The following SNX29 variants were observed in gnomAD, a reference collection of about 807,000 sequenced individuals.
SNX29 encodes sorting nexin-29.
A neutral mutation model predicts 102.1 loss-of-function variants in SNX29; 78 were observed. The observed-to-expected ratio is 0.76, with a 90% CI of 0.64 to 0.92. The LOEUF (loss-of-function observed/expected upper bound fraction) is 0.92, where lower values mean the gene tolerates loss of function less well. Ranked by LOEUF, SNX29 falls within the 40% of genes least tolerant of loss-of-function variation. The probability of loss-of-function intolerance (pLI) is 0.00; values close to 1 mark genes in which losing one functional copy is unlikely to be tolerated. For synonymous variants in SNX29, 580 were observed against 414.5 expected (o/e 1.40, Z -4.85); for missense variants, 1,280 against 1,061.7 (o/e 1.21, Z -2.86).
At chr16:12,379,622 A>G (rs1441409475) in intron 16 of SNX29, among the ~76,000 whole-genome samples, 1 of 152,230 alleles carries the variant, frequency 6.6e-6, no homozygotes, top group Non-Finnish European at 1.5e-5. Flanking sequence ...AAGGGAGGTG[A>G]TTATAAAAGG....
At chr16:12,216,297 C>T (rs960267254) in intron 14 of SNX29, among the ~76,000 whole-genome samples, 1 of 152,324 alleles carries the variant, frequency 6.6e-6, no homozygotes, top group East Asian at 1.9e-4. Flanking sequence ...GAGAAGCATT[C>T]TCTGCCTGAA....
chr16:12,057,800 C>G (rs1041199505), intron 8 of SNX29, among the ~76,000 whole-genome samples: 2 of 146,620 alleles, frequency 1.4e-5, no homozygotes, highest in African/African-American at 5.0e-5. Flanking sequence ...CATACATATA[C>G]ATATATATAT....
intron 1 of SNX29, among the ~76,000 whole-genome samples, chr16:11,981,224 C>T (rs2055406387): frequency 2.6e-5 from 4 of 152,130 alleles, no homozygotes; most frequent in Non-Finnish European, 5.9e-5. Context: ...CCTACCTCAG[C>T]CTCCCAAAGT....
intron 15 of SNX29, among the ~76,000 whole-genome samples, chr16:12,282,054 A>G (rs1387448089): frequency 6.9e-6 from 1 of 144,984 alleles, no homozygotes; most frequent in Non-Finnish European, 1.5e-5. Context: ...TCTGCACTCC[A>G]ACCTGGGCGA....
At chr16:12,432,256 C>T (rs527765695) in intron 18 of SNX29, among the ~76,000 whole-genome samples, 16 of 152,336 alleles carry the variant, frequency 1.1e-4, no homozygotes, top group African/African-American at 2.9e-4. Flanking sequence ...CGCCAATTAC[C>T]GTTAGTCATG....
intron 19 of SNX29, among the ~76,000 whole-genome samples, chr16:12,484,251 C>A (rs1382512710): frequency 2.0e-5 from 3 of 152,008 alleles, no homozygotes; most frequent in Non-Finnish European, 2.9e-5. Flanking sequence ...CCGGCTCCAG[C>A]CATCCTTCCA....
At chr16:12,461,917 C>A (rs535268618) in intron 18 of SNX29, among the ~76,000 whole-genome samples, 11 of 133,098 alleles carry the variant, frequency 8.3e-5, no homozygotes, top group South Asian at 5.0e-4. Flanking sequence ...GATTGCGCCA[C>A]TGCACTCCAA....
intron 3 of SNX29, among the ~76,000 whole-genome samples, chr16:12,014,075 G>A (rs532014077): frequency 1.3e-5 from 2 of 152,182 alleles, no homozygotes; most frequent in Non-Finnish European, 2.9e-5. Flanking sequence ...GAGACTCCAG[G>A]TGCATGCCAC....
rs574564851 is a variant in SNX29 at position 12,140,689 on chromosome 16, C to A, written c.1595+10931C>A. On this transcript the variant is annotated intron_variant, in intron 13 of 20. Coordinates refer to ENST00000566228, the MANE Select transcript of SNX29 (RefSeq NM_032167.5). Reference sequence around the variant, plus strand: ...CGCACCCTGTCTTGGTGGGTGAAATCTGGGCTCAGCCATTCTAAGCGGTAG... The same window carrying A: ...CGCACCCTGTCTTGGTGGGTGAAATATGGGCTCAGCCATTCTAAGCGGTAG... Among the ~76,000 whole-genome samples the A allele has an allele frequency of 2.6e-5, 4 of 152,256 alleles. No individual in the cohort carries two copies. In the South Asian group the frequency reaches 8.3e-4, roughly 32 times the overall value.
chr16:12,071,369 G>C (rs1013858011), intron 10 of SNX29, among the ~76,000 whole-genome samples: 2 of 152,284 alleles, frequency 1.3e-5, no homozygotes, highest in African/African-American at 4.8e-5. Flanking sequence ...AAGGGATCCA[G>C]TTTCAGCTTT....
intron 18 of SNX29, among the ~76,000 whole-genome samples, chr16:12,462,631 T>C (rs1034573036): frequency 2.0e-5 from 3 of 152,196 alleles, no homozygotes; most frequent in Non-Finnish European, 2.9e-5. Context: ...GTCATACTTA[T>C]CAATATATCA....
Position 12,494,982 on chromosome 16 carries a change from G to A in SNX29, c.2178+17123G>A, listed in dbSNP as rs537392790. On this transcript the variant is annotated intron_variant, in intron 19 of 20. Coordinates refer to ENST00000566228, the MANE Select transcript of SNX29 (RefSeq NM_032167.5). ...TGCCTGCGCATTCTCATTTAATCTC[G>A]TCAGTATCCCTGGGGCCGAGGAGTT... Among the ~76,000 whole-genome samples, 29 of 152,204 alleles carry A rather than the reference G, an allele frequency of 1.9e-4. 1 individual carries two copies. The South Asian group carries it at 4.4e-3, about 23-fold the overall frequency.
intron 20 of SNX29, among the ~76,000 whole-genome samples, chr16:12,547,220 G>A (rs1177157019): frequency 1.3e-5 from 2 of 152,326 alleles, no homozygotes; most frequent in East Asian, 1.9e-4. Context: ...GAGACCTGAG[G>A]CAGGGAGCCA....
chr16:12,192,733 C>T (rs1229514399), intron 13 of SNX29, among the ~76,000 whole-genome samples: 2 of 152,114 alleles, frequency 1.3e-5, no homozygotes, highest in Non-Finnish European at 2.9e-5. Flanking sequence ...GAGACAAGGT[C>T]TCACTTTCAC....
At chr16:12,550,678 C>T (rs1597937851) in intron 20 of SNX29, among the ~76,000 whole-genome samples, 1 of 152,272 alleles carries the variant, frequency 6.6e-6, no homozygotes, top group Non-Finnish European at 1.5e-5. Flanking sequence ...TGGGAAGACT[C>T]ACTTTTTCAT....
At chr16:12,135,553 A>G (rs1293472036) in intron 13 of SNX29, 2 of 1,326,522 alleles carry the variant, frequency 1.5e-6, no homozygotes, top group Non-Finnish European at 2.0e-6. Flanking sequence ...GTTGGCAGCT[A>G]TCTTTGCTAT....
intron 13 of SNX29, among the ~76,000 whole-genome samples, chr16:12,142,473 G>A (rs987593890): frequency 2.6e-5 from 4 of 152,202 alleles, no homozygotes; most frequent in African/African-American, 7.2e-5. Flanking sequence ...ACACATGTCA[G>A]TCAAGAGGGA....
At chr16:12,213,207 A>T (rs1567318212) in intron 14 of SNX29, among the ~76,000 whole-genome samples, 1 of 152,216 alleles carries the variant, frequency 6.6e-6, no homozygotes, top group African/African-American at 2.4e-5. Context: ...ACTAGAGGCC[A>T]TCATCCTAAG....
At chr16:12,339,381 A>AAAAAAAAAAAAG (rs2081548804) in intron 15 of SNX29, among the ~76,000 whole-genome samples, 1 of 150,830 alleles carries the variant, frequency 6.6e-6, no homozygotes, top group African/African-American at 2.4e-5. Flanking sequence ...AAAAAAAAAA[A>AAAAAAAAAAAAG]AAAAAAAAAA....
Sources: allele counts gnomAD v4.1 joint callset (sites outside exome capture counted in the v4.1 genomes callset), GRCh38; gene constraint gnomAD v4.1.1; transcripts MANE v1.5; gene names NCBI Gene and HGNC (gene_info 2026-07-23, HGNC 2026-07-21).